The following DHX37 variants were observed in gnomAD, a reference collection of about 807,000 sequenced individuals.
DHX37 encodes DEAH-box helicase 37.
In DHX37, 52 loss-of-function variants were observed where a neutral mutation model predicts 134.3. The observed-to-expected ratio is 0.39, with a 90% CI of 0.31 to 0.49. The LOEUF (loss-of-function observed/expected upper bound fraction) is 0.49. Ranked by LOEUF, DHX37 falls within the 20% of genes least tolerant of loss-of-function variation. The probability of loss-of-function intolerance (pLI) is 0.93; values close to 1 mark genes in which losing one functional copy is unlikely to be tolerated. For missense variants in DHX37, 1,344 were observed against 1,580.8 expected (o/e 0.85, Z 2.54); for synonymous variants, 634 against 670.7 (o/e 0.95, Z 0.85).
At position 124,975,430 on chromosome 12, in the gene DHX37, A is replaced by G; in HGVS notation, c.969T>C (p.Asn323=). ...AMSQRVAKEM[N]LSQRVVSYQI... Reference sequence around the variant, plus strand: ...AGTAGAGCCCTCACCGCTGGGACAGATTCATCTCCTTGGCCACTCGCTGGG... The same window carrying G: ...AGTAGAGCCCTCACCGCTGGGACAGGTTCATCTCCTTGGCCACTCGCTGGG... Residue 323 remains asparagine (N), a synonymous_variant, in exon 6 of 27, where the codon AAT becomes AAC. Coordinates refer to ENST00000308736, the MANE Select transcript of DHX37 (RefSeq NM_032656.4). 1.2e-6 allele frequency: 2 copies of G among 1,612,990 alleles called. No homozygotes were observed. The highest frequency in any genetic ancestry group is 2.2e-5 in the South Asian group (2 of 91,078).
intron 15 of DHX37, among the ~76,000 whole-genome samples, chr12:124,960,922 C>A (rs1954225171): frequency 6.6e-6 from 1 of 152,216 alleles, no homozygotes; most frequent in African/African-American, 2.4e-5. Flanking sequence ...CCACTGTACT[C>A]CAGCCTGGGC....
At chr12:124,970,036 G>A (rs147842870) in intron 8 of DHX37, among the ~76,000 whole-genome samples, 6 of 152,210 alleles carry the variant, frequency 3.9e-5, no homozygotes, top group African/African-American at 1.4e-4. Flanking sequence ...GCAGTGGCGC[G>A]ATCGCGGCTC....
chr12:124,988,869 C>G, intron 1 of DHX37, 48 bp downstream of exon 1: 1 of 1,217,446 alleles, frequency 8.2e-7, no homozygotes, highest in Non-Finnish European at 1.1e-6. Flanking sequence ...GGGCACAGGC[C>G]GCCCTGGGAA....
intron 6 of DHX37, among the ~76,000 whole-genome samples, chr12:124,974,075 T>C (rs1954578251): frequency 1.3e-5 from 2 of 151,652 alleles, no homozygotes. Context: ...TGCCTCAGCC[T>C]CCCGAGTAGC....
At chr12:124,972,676 C>A (rs1303220122) in intron 6 of DHX37, 77 bp from the exon 7 acceptor site, 2 of 1,470,752 alleles carry the variant, frequency 1.4e-6, no homozygotes, top group African/African-American at 1.4e-5. Context: ...ACAAGGCAGG[C>A]CGTGGAGCAG....
chr12:124,980,067 G>A lies in DHX37; in HGVS notation c.738+423C>T, dbSNP rs555304592. Among the ~76,000 whole-genome samples, 4 of 152,338 alleles carry A rather than the reference G, an allele frequency of 2.6e-5. No homozygotes were observed. The highest frequency in any genetic ancestry group is 2.1e-4 in the South Asian group (1 of 4,822). ...ACCAGGAAGGAAACAGGCACAGAGA[G>A]GGGGAGCCCCTTCAGTAGCCGGAAT... is the stretch of plus-strand genomic sequence containing the variant. On this transcript the variant is annotated intron_variant, in intron 4 of 26. Transcript: ENST00000308736. This position sits in a 1 kb window ranked among gnomAD's most constrained non-coding sequence, Gnocchi z 5.3.
chr12:124,955,308 T>C (rs1594476057), intron 18 of DHX37, among the ~76,000 whole-genome samples: 1 of 152,238 alleles, frequency 6.6e-6, no homozygotes, highest in South Asian at 2.1e-4. Context: ...CTTCGGGCTC[T>C]GCTGACTGCG....
chr12:124,981,559 A>G (rs1007891804), intron 3 of DHX37, among the ~76,000 whole-genome samples: 2 of 151,880 alleles, frequency 1.3e-5, no homozygotes, highest in African/African-American at 2.4e-5. Context: ...CTCAGCCGCC[A>G]GAGTAGCTGA....
At position 124,947,659 on chromosome 12, in the gene DHX37, T is replaced by C; in HGVS notation, c.*143A>G. The stretch of plus-strand genomic sequence containing the variant: ...CCCTTCATACGGGATCGAGCTCTCA[T>C]GGATGAGGGTTCCCAGGGCTTGACC... On this transcript the variant is annotated 3_prime_UTR_variant, in exon 27 of 27. Coordinates refer to ENST00000308736, the MANE Select transcript of DHX37 (RefSeq NM_032656.4). 1.8e-6 allele frequency: 2 copies of C among 1,138,244 alleles called. No individual in the cohort carries two copies. The highest frequency in any genetic ancestry group is 1.7e-5 in the South Asian group (1 of 57,188). The allele number at this position is 1,138,244 out of a possible 1,614,324, so 70.5% of individuals were successfully genotyped here.
In DHX37 at chr12:124,965,915, C is replaced by T. The variant is rs1180507305; in HGVS notation, c.1591-103G>A. 6 of 1,439,588 alleles carry T rather than the reference C, an allele frequency of 4.2e-6. No individual in the cohort carries two copies. The African/African-American group carries it at 4.2e-5, about 10-fold the overall frequency. 89.2% of individuals were successfully genotyped at this position (1,439,588 alleles called of 1,614,324 possible). On this transcript the variant is annotated intron_variant, in intron 12 of 26. Transcript: ENST00000308736. ...GCCCTCGCATGGAAGCCCCGGTCCA[C>T]ACCCATGGGCCATGCAACCCGGGGC...
intron 6 of DHX37, among the ~76,000 whole-genome samples, chr12:124,974,152 C>T (rs1954581038): frequency 6.7e-6 from 1 of 149,640 alleles, no homozygotes; most frequent in African/African-American, 2.5e-5. Flanking sequence ...GATGGGGTTT[C>T]ACCGTGTTAG....
intron 13 of DHX37, 34 bp downstream of exon 13, chr12:124,965,634 T>C: frequency 1.3e-6 from 2 of 1,569,592 alleles, no homozygotes; most frequent in Non-Finnish European, 8.7e-7. Flanking sequence ...GCAGAGATAA[T>C]GAACATGAGC....
At chr12:124,984,525 C>T (rs965930771) in intron 2 of DHX37, among the ~76,000 whole-genome samples, 1 of 151,840 alleles carries the variant, frequency 6.6e-6, no homozygotes, top group Non-Finnish European at 1.5e-5. Flanking sequence ...AAGAGCAAAA[C>T]TCCATCTCAA....
intron 21 of DHX37, 55 bp downstream of exon 21, chr12:124,952,343 T>C: frequency 2.6e-6 from 4 of 1,520,318 alleles, no homozygotes; most frequent in Non-Finnish European, 3.5e-6. Flanking sequence ...CCAGCCCGCC[T>C]GCCCCTCACC....
chr12:124,954,324 G>A, intron 18 of DHX37, 113 bp from the exon 19 acceptor site: 2 of 1,441,326 alleles, frequency 1.4e-6, no homozygotes, highest in Non-Finnish European at 1.8e-6. Flanking sequence ...TGGGGTCACT[G>A]ATGAATGTAA....
intron 15 of DHX37, among the ~76,000 whole-genome samples, chr12:124,961,155 CACACACTT>C (rs1388229990): frequency 3.1e-4 from 47 of 151,264 alleles, no homozygotes; most frequent in Middle Eastern, 3.4e-3. Context: ...CACGCACGCA[CACACACTT>C]ACATACACGC....
chr12:124,975,907 G>A (rs1278476825), intron 5 of DHX37, among the ~76,000 whole-genome samples: 5 of 152,202 alleles, frequency 3.3e-5, no homozygotes, highest in Non-Finnish European at 5.9e-5. Flanking sequence ...GGCTGCTGAC[G>A]GGGCTGGCCC....
At chr12:124,972,294 T>C (rs1254461987) in intron 7 of DHX37, among the ~76,000 whole-genome samples, 1 of 152,244 alleles carries the variant, frequency 6.6e-6, no homozygotes, top group Non-Finnish European at 1.5e-5. Context: ...AACTTCCGCT[T>C]CAAAATGATT....
At chr12:124,983,680 G>A (rs530164415) in intron 2 of DHX37, among the ~76,000 whole-genome samples, 76 of 151,760 alleles carry the variant, frequency 5.0e-4, no homozygotes, top group African/African-American at 1.8e-3. Flanking sequence ...AGCTACCCGG[G>A]AGGCTGAGGC....
Sources: allele counts gnomAD v4.1 joint callset (sites outside exome capture counted in the v4.1 genomes callset), GRCh38; gene constraint gnomAD v4.1.1; non-coding constraint Gnocchi (gnomAD v3.1); transcripts MANE v1.5; gene names NCBI Gene and HGNC (gene_info 2026-07-23, HGNC 2026-07-21).